ACYP2: variants seen among roughly 807,000 people sequenced by gnomAD.
ACYP2 encodes acylphosphatase 2.
ACYP2 carries 12 observed loss-of-function variants against 11.2 expected under a neutral mutation model. The observed-to-expected ratio is 1.08, with a 90% CI of 0.69 to 1.74. ACYP2 has a LOEUF of 1.74. Ranked by LOEUF, ACYP2 falls within the 40% of genes most tolerant of loss-of-function variation. The pLI is 0.00. For synonymous variants in ACYP2, 43 were observed against 32.2 expected (o/e 1.33, Z -1.13); for missense variants, 134 against 101.9 (o/e 1.31, Z -1.35).
chr2:54,183,460 AT>A lies in ACYP2; in HGVS notation c.404+44713del, dbSNP rs1318666184. On this transcript the variant is annotated intron_variant, in intron 6 of 6. Transcript: ENST00000607452. ...GGCAGAAGGATCACTTGAGCCCAGA[AT>A]GTTCAGGCTACAGTGAGCTGTGATT... is the stretch of plus-strand genomic sequence containing the variant. Among the ~76,000 whole-genome samples the A allele has an allele frequency of 5.3e-5, 8 of 152,082 alleles. No individual in the cohort carries two copies. The South Asian group carries it at 1.2e-3, about 24-fold the overall frequency.
intron 6 of ACYP2, among the ~76,000 whole-genome samples, chr2:54,201,624 GTTTCTTTCTTTCTCTTTC>G (rs1485444577): frequency 9.2e-6 from 1 of 108,724 alleles, no homozygotes. Flanking sequence ...TTCTTTCTTT[GTTTCTTTCTTTCTCTTTC>G]TTTCTTTCTT....
chr2:54,016,133 A>G (rs953397378), intron 2 of ACYP2, among the ~76,000 whole-genome samples: 1 of 151,922 alleles, frequency 6.6e-6, no homozygotes, highest in African/African-American at 2.4e-5. Context: ...TATGCTAAGC[A>G]TATTTGGGAT....
At chr2:54,178,263 A>C (rs1018770098) in intron 6 of ACYP2, among the ~76,000 whole-genome samples, 2 of 152,248 alleles carry the variant, frequency 1.3e-5, no homozygotes, top group African/African-American at 4.8e-5. Context: ...TTATCACAAT[A>C]CATCAAAGCA....
intron 6 of ACYP2, among the ~76,000 whole-genome samples, chr2:54,238,260 T>C (rs1356319330): frequency 6.6e-6 from 1 of 152,240 alleles, no homozygotes; most frequent in Non-Finnish European, 1.5e-5. Flanking sequence ...GCTTATTCTT[T>C]GTCTCTCTCC....
At chr2:54,275,903 C>A (rs768633455) in intron 6 of ACYP2, among the ~76,000 whole-genome samples, 87 of 152,048 alleles carry the variant, frequency 5.7e-4, no homozygotes, top group Admixed American at 4.0e-3. Context: ...CAACATTAAG[C>A]GTATCCCTAA....
chr2:54,199,264 C>T (rs1572922537), intron 6 of ACYP2, among the ~76,000 whole-genome samples: 1 of 152,210 alleles, frequency 6.6e-6, no homozygotes, highest in South Asian at 2.1e-4. Context: ...ATTCTGTGCT[C>T]ATGGGACATC....
chr2:54,294,178 A>G (rs1027801355), intron 6 of ACYP2, among the ~76,000 whole-genome samples: 1 of 152,214 alleles, frequency 6.6e-6, no homozygotes, highest in African/African-American at 2.4e-5. Flanking sequence ...TGATAGTGTT[A>G]GCTTTCTAGT....
At position 54,238,007 on chromosome 2, in the gene ACYP2, T is replaced by G. The variant is rs150272228; in HGVS notation, c.405-66681T>G. 7.8e-3 allele frequency among the ~76,000 whole-genome samples: 1,186 copies of G among 152,250 alleles called. 15 individuals are homozygous for G. Among genetic ancestry groups the G allele is most frequent in the African/African-American group, 0.027 (1,141 of 41,544 alleles). ...CCAAGCATGCTTCTTACTCCTAGAT[T>G]TTTAAAAATATTGCTTCCTTAGCCT... On this transcript the variant is annotated intron_variant, in intron 6 of 6. Coordinates refer to ENST00000607452, the MANE Select transcript of ACYP2 (RefSeq NM_001320586.2).
intron 2 of ACYP2, among the ~76,000 whole-genome samples, chr2:54,014,379 G>C (rs1187730966): frequency 6.6e-6 from 1 of 151,878 alleles, no homozygotes; most frequent in African/African-American, 2.4e-5. Context: ...GGCTGCAGTG[G>C]CACGAACTTG....
chr2:54,113,929 G>C (rs1679595300), intron 4 of ACYP2, among the ~76,000 whole-genome samples: 1 of 152,160 alleles, frequency 6.6e-6, no homozygotes, highest in South Asian at 2.1e-4. Flanking sequence ...AGTCTGCATG[G>C]AATGAACTGG....
chr2:54,019,457 A>C (rs1488074574), intron 2 of ACYP2, among the ~76,000 whole-genome samples: 1 of 148,352 alleles, frequency 6.7e-6, no homozygotes, highest in Non-Finnish European at 1.5e-5. Context: ...GTTCATTGCA[A>C]CCTCGACCTC....
At chr2:54,299,663 A>C (rs542361054) in intron 6 of ACYP2, among the ~76,000 whole-genome samples, 2 of 152,226 alleles carry the variant, frequency 1.3e-5, no homozygotes, top group East Asian at 1.9e-4. Flanking sequence ...GCAAAAGAGA[A>C]ATCCATTGCA....
At position 54,197,935 on chromosome 2, in the gene ACYP2, A is replaced by AT. The variant is rs201423348; in HGVS notation, c.404+59188dup. 8.1e-4 allele frequency among the ~76,000 whole-genome samples: 106 copies of AT among 131,002 alleles called. 1 individual carries two copies. The highest frequency in any genetic ancestry group is 1.1e-3 in the Non-Finnish European group (63 of 57,902). The allele number at this position is 131,002 out of a possible 152,430, so 85.9% of individuals were successfully genotyped here. On this transcript the variant is annotated intron_variant, in intron 6 of 6. Coordinates refer to ENST00000607452, the MANE Select transcript of ACYP2 (RefSeq NM_001320586.2). ...TTTTATTATTTTATTTTATTTATGT[A>AT]TGTATTATATTGTATTGTATTGTAT... is the stretch of plus-strand genomic sequence containing the variant.
At chr2:54,183,828 T>C (rs913932898) in intron 6 of ACYP2, among the ~76,000 whole-genome samples, 4 of 152,210 alleles carry the variant, frequency 2.6e-5, no homozygotes, top group East Asian at 1.9e-4. Flanking sequence ...TTTAATCTTA[T>C]ATTTTCATGA....
At chr2:54,221,679 C>A (rs1356455893) in intron 6 of ACYP2, among the ~76,000 whole-genome samples, 1 of 151,908 alleles carries the variant, frequency 6.6e-6, no homozygotes, top group Non-Finnish European at 1.5e-5. Flanking sequence ...TGCCACCACA[C>A]CTGGCTAATT....
At chr2:54,300,262 C>T (rs1689671623) in intron 6 of ACYP2, among the ~76,000 whole-genome samples, 1 of 152,192 alleles carries the variant, frequency 6.6e-6, no homozygotes, top group Non-Finnish European at 1.5e-5. Flanking sequence ...TTCCCTTTGC[C>T]TACTTATGAG....
At chr2:54,197,911 TTTATTATTTTATTTTATTTATG>T (rs1420133239) in intron 6 of ACYP2, among the ~76,000 whole-genome samples, 1 of 112,794 alleles carries the variant, frequency 8.9e-6, no homozygotes, top group Non-Finnish European at 2.0e-5. Flanking sequence ...TTTATTTTAT[TTTATTATTTTATTTTATTTATG>T]TATGTATTAT....
chr2:54,281,230 G>A (rs990757438), intron 6 of ACYP2, among the ~76,000 whole-genome samples: 2 of 152,192 alleles, frequency 1.3e-5, no homozygotes, highest in Admixed American at 6.5e-5. Context: ...CTTTGTCATT[G>A]CAGCTCAGAA....
At chr2:54,025,303 A>G (rs1053354838) in intron 2 of ACYP2, among the ~76,000 whole-genome samples, 3 of 152,220 alleles carry the variant, frequency 2.0e-5, no homozygotes, top group African/African-American at 7.2e-5. Flanking sequence ...ACACATCAGG[A>G]GCCATCACAT....
Sources: allele counts gnomAD v4.1 joint callset (sites outside exome capture counted in the v4.1 genomes callset), GRCh38; gene constraint gnomAD v4.1.1; transcripts MANE v1.5; gene names NCBI Gene and HGNC (gene_info 2026-07-23, HGNC 2026-07-21).